Variants in RFTN2 observed in about 807,000 individuals in gnomAD.
RFTN2 encodes the protein raftlin family member 2, also known as raftlin-2.
A neutral mutation model predicts 52.7 loss-of-function variants in RFTN2; 34 were observed. That is an observed-to-expected ratio of 0.64 (90% confidence interval 0.49 to 0.86). The LOEUF is 0.86. RFTN2 is among the 40% of genes least tolerant of loss of function. The pLI, the probability that RFTN2 is intolerant of heterozygous loss-of-function variation, is 0.00. For synonymous variants in RFTN2, 203 were observed against 217.7 expected, an observed-to-expected ratio of 0.93 and a Z score of 0.59; for missense variants, 536 against 600.1, an observed-to-expected ratio of 0.89 and a Z score of 1.12.
At chr2:197,597,022 C>T (rs1027564280) in intron 7 of RFTN2, among the ~76,000 whole-genome samples, 2 of 152,044 alleles carry the variant, frequency 1.3e-5, no homozygotes, top group Non-Finnish European at 2.9e-5. Flanking sequence ...TGCAAAAAAC[C>T]CCAACAAAAC....
At chr2:197,599,194 C>T (rs2087841759) in intron 7 of RFTN2, among the ~76,000 whole-genome samples, 2 of 152,302 alleles carry the variant, frequency 1.3e-5, no homozygotes, top group Admixed American at 1.3e-4. Context: ...CCACCTCGGC[C>T]TCCCAAAGTG....
At chr2:197,618,846 C>G (rs1429993702) in intron 5 of RFTN2, among the ~76,000 whole-genome samples, 1 of 151,472 alleles carries the variant, frequency 6.6e-6, no homozygotes, top group Non-Finnish European at 1.5e-5. Flanking sequence ...GCCCCTCCGC[C>G]CGGCAGCCGC....
intron 8 of RFTN2, among the ~76,000 whole-genome samples, chr2:197,577,314 A>G (rs1574673836): frequency 6.6e-6 from 1 of 152,336 alleles, no homozygotes; most frequent in East Asian, 1.9e-4. Context: ...CACAAAGTCT[A>G]CAGTAGGTCC....
chr2:197,671,508 G>A (rs2089146976), intron 1 of RFTN2, among the ~76,000 whole-genome samples: 1 of 152,186 alleles, frequency 6.6e-6, no homozygotes, highest in South Asian at 2.1e-4. Flanking sequence ...CTGGACACAG[G>A]GTGTACAAAG....
intron 5 of RFTN2, among the ~76,000 whole-genome samples, chr2:197,627,875 G>A (rs1421269615): frequency 4.8e-4 from 28 of 58,850 alleles, no homozygotes; most frequent in African/African-American, 1.7e-3. Flanking sequence ...TCTGTCCCCC[G>A]CCCCCCCGCC....
At chr2:197,615,823 T>C in intron 7 of RFTN2, 53 bp downstream of exon 7, 1 of 897,222 alleles carries the variant, frequency 1.1e-6, no homozygotes, top group Non-Finnish European at 1.8e-6. Context: ...ATCTAACAGA[T>C]GAAGTTATAT....
chr2:197,644,133 A>T, intron 3 of RFTN2, 25 bp downstream of exon 3: 1 of 1,278,276 alleles, frequency 7.8e-7, no homozygotes, highest in Non-Finnish European at 1.1e-6. Context: ...TCAATATCCC[A>T]TGAAAAAGTG....
At chr2:197,654,018 A>AAATG (rs2088858995) in intron 1 of RFTN2, among the ~76,000 whole-genome samples, 2 of 152,264 alleles carry the variant, frequency 1.3e-5, no homozygotes, top group Admixed American at 1.3e-4. Context: ...TCATACAAAT[A>AAATG]AATACAATGA....
At chr2:197,664,617 A>G (rs79529404) in intron 1 of RFTN2, among the ~76,000 whole-genome samples, 4 of 151,864 alleles carry the variant, frequency 2.6e-5, no homozygotes, top group Non-Finnish European at 4.4e-5. Flanking sequence ...CAAAATTACA[A>G]AAATTACAAA....
chr2:197,646,499 A>G lies in RFTN2; in HGVS notation c.307T>C (p.Leu103=), dbSNP rs758651424. ...TGTGCTTACCTTAATTTCAAGCGCAATAGCACCACTCTGTATAGGTAACTT... is the reference window on the plus strand; with the variant it reads ...TGTGCTTACCTTAATTTCAAGCGCAGTAGCACCACTCTGTATAGGTAACTT... The part of the protein sequence containing the change: ...PASYLYRVVL[L]RLKLSPKNSA... The change falls in exon 2 of 9, where the codon TTG becomes CTG. Residue 103 remains leucine (L), a synonymous_variant. Transcript: ENST00000295049. 5.0e-6 allele frequency: 8 copies of G among 1,613,836 alleles called. No individual in the cohort carries two copies. The African/African-American group carries it at 5.3e-5, about 11-fold the overall frequency.
chr2:197,593,929 G>C (rs1284037746), intron 8 of RFTN2, among the ~76,000 whole-genome samples: 1 of 149,924 alleles, frequency 6.7e-6, no homozygotes, highest in African/African-American at 2.5e-5. Context: ...ATGATGAGAA[G>C]TTTGCTTTGG....
intron 5 of RFTN2, among the ~76,000 whole-genome samples, chr2:197,622,661 C>T (rs2088287567): frequency 6.6e-6 from 1 of 152,190 alleles, no homozygotes; most frequent in Non-Finnish European, 1.5e-5. Flanking sequence ...AGACGTCATC[C>T]AGGACTTTCA....
intron 1 of RFTN2, among the ~76,000 whole-genome samples, chr2:197,657,349 C>T (rs2088908536): frequency 5.9e-5 from 9 of 152,200 alleles, no homozygotes; most frequent in Admixed American, 5.9e-4. Context: ...CCCAGGGATT[C>T]TGTAGACCAG....
intron 8 of RFTN2, among the ~76,000 whole-genome samples, chr2:197,592,404 A>C (rs2087732206): frequency 6.6e-6 from 1 of 152,204 alleles, no homozygotes; most frequent in Non-Finnish European, 1.5e-5. Flanking sequence ...CATGTTGGTC[A>C]GGCGGGTCTT....
At chr2:197,610,206 C>T (rs1407137645) in intron 7 of RFTN2, among the ~76,000 whole-genome samples, 7 of 152,156 alleles carry the variant, frequency 4.6e-5, no homozygotes. Context: ...TTACCTTGGG[C>T]AGTATGGCCA....
chr2:197,648,333 AT>A (rs1410613345), intron 1 of RFTN2, among the ~76,000 whole-genome samples: 2 of 152,218 alleles, frequency 1.3e-5, no homozygotes, highest in Non-Finnish European at 2.9e-5. Flanking sequence ...CCTCTTTTGG[AT>A]TTAAATTAAT....
chr2:197,626,005 T>G (rs948243405), intron 5 of RFTN2, among the ~76,000 whole-genome samples: 15 of 152,092 alleles, frequency 9.9e-5, no homozygotes, highest in Non-Finnish European at 1.8e-4. Flanking sequence ...GCCAGGCTAG[T>G]CTTGAACTCC....
At chr2:197,580,471 C>T (rs908583229) in intron 8 of RFTN2, among the ~76,000 whole-genome samples, 2 of 152,202 alleles carry the variant, frequency 1.3e-5, no homozygotes, top group Non-Finnish European at 2.9e-5. Flanking sequence ...CTGTGCAGGA[C>T]CCCACTGGAA....
intron 3 of RFTN2, among the ~76,000 whole-genome samples, chr2:197,643,776 C>T (rs891392698): frequency 1.1e-4 from 16 of 152,042 alleles, no homozygotes; most frequent in African/African-American, 3.9e-4. Flanking sequence ...TTTACTCTTC[C>T]ATTTTCTTTT....
Sources: allele counts gnomAD v4.1 joint callset (sites outside exome capture counted in the v4.1 genomes callset), GRCh38; gene constraint gnomAD v4.1.1; transcripts MANE v1.5; gene names NCBI Gene and HGNC (gene_info 2026-07-23, HGNC 2026-07-21).